Variants in MACROD2 observed in about 807,000 individuals in gnomAD.
MACROD2 encodes the protein mono-ADP ribosylhydrolase 2, also known as ADP-ribose glycohydrolase MACROD2.
MACROD2 carries 36 observed loss-of-function variants against 70.4 expected under a neutral mutation model. The ratio of observed to expected loss-of-function variants is 0.51; its 90% CI spans 0.39 to 0.68. MACROD2 has a LOEUF of 0.68. MACROD2 is among the 30% of genes least tolerant of loss of function. MACROD2 has a pLI of 0.00. For synonymous variants in MACROD2, 172 were observed against 178.8 expected (o/e 0.96, Z 0.30); for missense variants, 496 against 538.4 (o/e 0.92, Z 0.78).
intron 8 of MACROD2, among the ~76,000 whole-genome samples, chr20:15,562,860 C>T (rs2048262844): frequency 6.6e-6 from 1 of 152,066 alleles, no homozygotes; most frequent in Non-Finnish European, 1.5e-5. Flanking sequence ...GGGGATGATC[C>T]TTAGAAAGGA....
chr20:14,763,659 G>C (rs1482961963), intron 5 of MACROD2, among the ~76,000 whole-genome samples: 1 of 152,080 alleles, frequency 6.6e-6, no homozygotes, highest in Non-Finnish European at 1.5e-5. Context: ...TAAAGATTTA[G>C]ACTTATCTGG....
At chr20:14,676,864 A>G (rs1214426690) in intron 4 of MACROD2, among the ~76,000 whole-genome samples, 2 of 152,218 alleles carry the variant, frequency 1.3e-5, no homozygotes, top group African/African-American at 4.8e-5. Context: ...AATAGATACA[A>G]TAAAAAACGA....
intron 6 of MACROD2, among the ~76,000 whole-genome samples, chr20:15,418,639 A>C (rs534501527): frequency 6.6e-6 from 1 of 152,346 alleles, no homozygotes; most frequent in African/African-American, 2.4e-5. Flanking sequence ...CTTATTAAGA[A>C]AACCAGGGAT....
chr20:15,968,479 A>C (rs1241554102), intron 13 of MACROD2, among the ~76,000 whole-genome samples: 1 of 152,154 alleles, frequency 6.6e-6, no homozygotes, highest in Non-Finnish European at 1.5e-5. Context: ...AAAGGAAGGC[A>C]AAACTCAAGA....
At chr20:16,022,617 T>A (rs1374688346) in intron 15 of MACROD2, among the ~76,000 whole-genome samples, 13 of 152,206 alleles carry the variant, frequency 8.5e-5, no homozygotes, top group Admixed American at 8.5e-4. Context: ...CTGCATTTTA[T>A]AATTATCCTG....
chr20:15,126,509 A>T (rs2076068187), intron 5 of MACROD2, among the ~76,000 whole-genome samples: 1 of 152,098 alleles, frequency 6.6e-6, no homozygotes, highest in Non-Finnish European at 1.5e-5. Flanking sequence ...TATCAAAATT[A>T]TTAAAATCTT....
chr20:15,497,197 G>A (rs1472126910), intron 7 of MACROD2, among the ~76,000 whole-genome samples: 3 of 152,196 alleles, frequency 2.0e-5, no homozygotes, highest in Admixed American at 2.0e-4. Flanking sequence ...AAGTATCCAG[G>A]CGATTATAAA....
intron 8 of MACROD2, among the ~76,000 whole-genome samples, chr20:15,798,109 AGAG>A (rs2063691463): frequency 6.6e-6 from 1 of 152,246 alleles, no homozygotes; most frequent in African/African-American, 2.4e-5. Context: ...GCTTTGGAAT[AGAG>A]GATGATAGAA....
chr20:14,463,794 T>C (rs1425081799), intron 3 of MACROD2, among the ~76,000 whole-genome samples: 2 of 152,124 alleles, frequency 1.3e-5, no homozygotes, highest in Non-Finnish European at 2.9e-5. Flanking sequence ...GAGATAATCA[T>C]GTGGTTTTTG....
chr20:14,736,247 T>TTA (rs1242916800), intron 5 of MACROD2, among the ~76,000 whole-genome samples: 1 of 152,194 alleles, frequency 6.6e-6, no homozygotes, highest in Non-Finnish European at 1.5e-5. Flanking sequence ...ACAAATTGTG[T>TTA]TACTCCATTT....
intron 8 of MACROD2, among the ~76,000 whole-genome samples, chr20:15,585,290 T>C (rs1457853619): frequency 6.6e-6 from 1 of 151,690 alleles, no homozygotes; most frequent in Non-Finnish European, 1.5e-5. Context: ...CTCCGCCTCC[T>C]GGGTTCAAGC....
chr20:14,950,541 G>A (rs1241913276), intron 5 of MACROD2, among the ~76,000 whole-genome samples: 5 of 152,144 alleles, frequency 3.3e-5, no homozygotes, highest in Non-Finnish European at 5.9e-5. Context: ...CCAATGAACC[G>A]GCAAGAACTA....
intron 10 of MACROD2, among the ~76,000 whole-genome samples, chr20:15,900,682 A>G (rs1326657116): frequency 6.6e-6 from 1 of 152,222 alleles, no homozygotes; most frequent in African/African-American, 2.4e-5. Flanking sequence ...GCATGTTGCC[A>G]TTGGCATTTG....
At chr20:15,995,858 GGTGTGT>G (rs71192311) in intron 15 of MACROD2, among the ~76,000 whole-genome samples, 1 of 148,486 alleles carries the variant, frequency 6.7e-6, no homozygotes, top group Non-Finnish European at 1.5e-5. Flanking sequence ...ACAAATGTGA[GGTGTGT>G]GTGTGTGTGT....
At position 16,052,804 on chromosome 20, in the gene MACROD2, T is replaced by A; in HGVS notation, c.*2928T>A. On this transcript the variant is annotated 3_prime_UTR_variant, in exon 18 of 18. Transcript: ENST00000684519. ...CGCATGTCGGCTTTGCTTTGAAAAA[T>A]AACAAAGTTAGCAGAATATGTTCAA... The A allele has an allele frequency of 6.6e-6, 1 of 152,604 alleles. No homozygotes were observed. The highest frequency in any genetic ancestry group is 2.1e-4 in the South Asian group (1 of 4,832). The allele number at this position is 152,604 out of a possible 1,614,324, so 9.5% of individuals were successfully genotyped here. A position where few individuals can be genotyped will look rare whatever the true frequency, so the allele number is the denominator to read the frequency against.
chr20:14,398,991 A>G (rs1414442353), intron 3 of MACROD2, among the ~76,000 whole-genome samples: 2 of 150,038 alleles, frequency 1.3e-5, no homozygotes, highest in African/African-American at 2.4e-5. Flanking sequence ...GCATTTATAT[A>G]TCTAAAAAAG....
intron 3 of MACROD2, among the ~76,000 whole-genome samples, chr20:14,089,107 G>C (rs2054117311): frequency 6.6e-6 from 1 of 152,152 alleles, no homozygotes; most frequent in African/African-American, 2.4e-5. Flanking sequence ...AGCAACTTTT[G>C]CTTACTCCCA....
intron 3 of MACROD2, among the ~76,000 whole-genome samples, chr20:14,178,224 G>T (rs1293359486): frequency 6.6e-6 from 1 of 152,126 alleles, no homozygotes; most frequent in Non-Finnish European, 1.5e-5. Flanking sequence ...ACAAAGAAAT[G>T]ATAAATGCAT....
chr20:15,678,612 GC>G (rs2050112350), intron 8 of MACROD2, among the ~76,000 whole-genome samples: 1 of 152,070 alleles, frequency 6.6e-6, no homozygotes, highest in Non-Finnish European at 1.5e-5. Flanking sequence ...GCCTGGCAAG[GC>G]CCTATCTTTA....
Sources: allele counts gnomAD v4.1 joint callset (sites outside exome capture counted in the v4.1 genomes callset), GRCh38; gene constraint gnomAD v4.1.1; transcripts MANE v1.5; gene names NCBI Gene and HGNC (gene_info 2026-07-23, HGNC 2026-07-21).